The following CIB1 variants were observed in gnomAD, a reference collection of about 807,000 sequenced individuals.
The protein encoded by CIB1 is calcium and integrin binding 1.
A neutral mutation model predicts 25.0 loss-of-function variants in CIB1; 19 were observed. That is an observed-to-expected ratio of 0.76 (90% CI 0.53 to 1.12). The LOEUF (loss-of-function observed/expected upper bound fraction) is 1.12. Ranked by LOEUF, CIB1 falls within the 50% of genes most tolerant of loss-of-function variation. The pLI is 0.00. For missense variants in CIB1, 236 were observed against 242.6 expected (o/e 0.97, Z 0.18); for synonymous variants, 104 against 98.5 (o/e 1.06, Z -0.33).
rs563075894 is a variant in CIB1 at position 90,231,101 on chromosome 15, G to T, written c.459C>A (p.Ile153=). The change falls in exon 5 of 7, where the codon ATC becomes ATA. Residue 153 remains isoleucine (I), a synonymous_variant. Coordinates refer to ENST00000328649, the MANE Select transcript of CIB1 (RefSeq NM_006384.4). ...RLSASEMKQL[I]DNILEESDID... ...GGCCTGCTCAGCTGCTCACGTTGTC[G>T]ATGAGCTGCTTCATCTCAGACGCAC... 3 of 1,613,770 alleles carry T rather than the reference G, an allele frequency of 1.9e-6. No individual in the cohort carries two copies. Among genetic ancestry groups the T allele is most frequent in the African/African-American group, 2.7e-5 (2 of 74,928 alleles).
rs1962435476 is a variant in CIB1, at chr15:90,230,043, ACCAC to A, written c.*437_*440del. On this transcript the variant is annotated 3_prime_UTR_variant, in exon 7 of 7. Coordinates refer to ENST00000328649, the MANE Select transcript of CIB1 (RefSeq NM_006384.4). ...GATGCATGCAGAGACTCATCTAACC[ACCAC>A]CCCAATCAGGATACAGGCGAGTCCC... is the stretch of plus-strand genomic sequence containing the variant. 1 of 208,382 alleles carries A rather than the reference ACCAC, an allele frequency of 4.8e-6. No homozygotes were observed. Among genetic ancestry groups the A allele is most frequent in the African/African-American group, 2.4e-5 (1 of 42,488 alleles). The allele number at this position is 208,382 out of a possible 1,614,324, so 12.9% of individuals were successfully genotyped here.
chr15:90,237,189 G>T (rs181765110), upstream of CIB1, among the ~76,000 whole-genome samples: 493 of 151,996 alleles, frequency 3.2e-3, 4 homozygotes, highest in African/African-American at 0.012. Flanking sequence ...TCGAACTCCT[G>T]ACCTCGTGAT....
intron 4 of CIB1, 43 bp downstream of exon 4, chr15:90,231,314 G>T: frequency 6.2e-7 from 1 of 1,609,634 alleles, no homozygotes; most frequent in Non-Finnish European, 8.5e-7. Context: ...CAAAGCCCAC[G>T]TGGGAAGGGG....
chr15:90,250,397 T>C, the CIB1 span, among the ~76,000 whole-genome samples: 2 of 152,312 alleles, frequency 1.3e-5, no homozygotes, highest in Non-Finnish European at 2.9e-5. Context: ...GATTGGGGCT[T>C]GTCATCAGGG....
At chr15:90,248,043 A>G in the CIB1 span, among the ~76,000 whole-genome samples, 1 of 151,510 alleles carries the variant, frequency 6.6e-6, no homozygotes, top group African/African-American at 2.4e-5. Flanking sequence ...ACCCGGCCAG[A>G]TATTTGTTTT....
At chr15:90,257,855 C>A in the CIB1 span, 1 of 990,576 alleles carries the variant, frequency 1.0e-6, no homozygotes, top group Non-Finnish European at 1.5e-6. Flanking sequence ...CTGTCCTGTG[C>A]CTGCACTTTG....
chr15:90,253,115 G>A, the CIB1 span: 1 of 585,574 alleles, frequency 1.7e-6, no homozygotes, highest in South Asian at 2.5e-5. Flanking sequence ...CTAAAGTACA[G>A]GGCTGAGGCA....
At chr15:90,235,903 CGAGAAAGAGTTAGTCTTCTGTTA>C (rs1356671768), upstream of CIB1, among the ~76,000 whole-genome samples, 1 of 151,988 alleles carries the variant, frequency 6.6e-6, no homozygotes, top group East Asian at 1.9e-4. Context: ...TCTTTCTGTC[CGAGAAAGAGTTAGTCTTCTGTTA>C]GTAAAAGCTT....
chr15:90,256,086 C>A, the CIB1 span: 1 of 1,596,640 alleles, frequency 6.3e-7, no homozygotes, highest in Non-Finnish European at 8.5e-7. Context: ...TCCATGCGGC[C>A]CCGGGAAAGC....
the CIB1 span, chr15:90,257,815 T>C: frequency 6.1e-6 from 8 of 1,301,728 alleles, no homozygotes; most frequent in South Asian, 2.5e-5. Flanking sequence ...GGGAGGCTAA[T>C]TGCCCAGGGA....
chr15:90,253,258 C>A, the CIB1 span: 120 of 1,613,572 alleles, frequency 7.4e-5, no homozygotes, highest in Non-Finnish European at 9.3e-5. Context: ...GTGCGTCGGG[C>A]AGCCCAAATG....
chr15:90,236,355 T>C (rs982600124), upstream of CIB1, among the ~76,000 whole-genome samples: 1 of 152,194 alleles, frequency 6.6e-6, no homozygotes, highest in African/African-American at 2.4e-5. Context: ...CTCTTTATAG[T>C]GAAGACATGA....
the CIB1 span, among the ~76,000 whole-genome samples, chr15:90,259,530 G>A: frequency 6.6e-6 from 1 of 152,154 alleles, no homozygotes; most frequent in African/African-American, 2.4e-5. Context: ...TATGTATATA[G>A]TACGCATTTA....
chr15:90,252,285 C>T, the CIB1 span, among the ~76,000 whole-genome samples: 1 of 152,178 alleles, frequency 6.6e-6, no homozygotes, highest in Non-Finnish European at 1.5e-5. Context: ...GATCCACCCA[C>T]CTCAGCCTCC....
the CIB1 span, among the ~76,000 whole-genome samples, chr15:90,251,145 G>A: frequency 0.26 from 30,450 of 118,180 alleles, 4,786 homozygotes; most frequent in East Asian, 0.67. Flanking sequence ...ACAGAGTCTC[G>A]CTCTGTCGCC....
the CIB1 span, among the ~76,000 whole-genome samples, chr15:90,240,260 C>T: frequency 6.6e-6 from 1 of 151,834 alleles, no homozygotes; most frequent in Non-Finnish European, 1.5e-5. Flanking sequence ...GTAATCCCAG[C>T]ACTTTGGGAA....
intron 6 of CIB1, 78 bp from the exon 7 acceptor site, chr15:90,230,583 T>C: frequency 1.4e-6 from 2 of 1,437,080 alleles, no homozygotes; most frequent in Non-Finnish European, 1.9e-6. Flanking sequence ...CCCTTCTCCC[T>C]TTAGACCCTT....
chr15:90,259,334 G>A, the CIB1 span, among the ~76,000 whole-genome samples: 3 of 152,028 alleles, frequency 2.0e-5, no homozygotes, highest in African/African-American at 4.8e-5. Flanking sequence ...AGCCTGCAGT[G>A]AGCCATGTTT....
chr15:90,235,900 G>A (rs1443131053), upstream of CIB1, among the ~76,000 whole-genome samples: 6 of 152,056 alleles, frequency 3.9e-5, no homozygotes, highest in African/African-American at 1.4e-4. Flanking sequence ...GGCTCTTTCT[G>A]TCCGAGAAAG....
Sources: allele counts gnomAD v4.1 joint callset (sites outside exome capture counted in the v4.1 genomes callset), GRCh38; gene constraint gnomAD v4.1.1; transcripts MANE v1.5; gene names NCBI Gene and HGNC (gene_info 2026-07-23, HGNC 2026-07-21).